Variants in CASZ1 observed in about 807,000 individuals in gnomAD.
CASZ1 encodes the protein castor zinc finger 1, also known as zinc finger protein castor homolog 1.
CASZ1 carries 28 observed loss-of-function variants against 135.2 expected under a neutral mutation model. The observed-to-expected ratio is 0.21, with a 90% CI of 0.15 to 0.28. The LOEUF is 0.28. Among genes scored for constraint, CASZ1 ranks in the 10% least tolerant of loss-of-function variants. The pLI is 1.00. For synonymous variants in CASZ1, 1,068 were observed against 1,073.4 expected (o/e 0.99, Z 0.10); for missense variants, 2,161 against 2,453.3 (o/e 0.88, Z 2.52).
At position 10,648,143 on chromosome 1, in the gene CASZ1, C is replaced by T. The variant is rs1280272781; in HGVS notation, c.3159-4G>A. 7.4e-6 allele frequency: 11 copies of T among 1,484,514 alleles called. No homozygotes were observed. The highest frequency in any genetic ancestry group is 4.8e-5 in the Admixed American group (2 of 41,624). 92.0% of individuals were successfully genotyped at this position (1,484,514 alleles called of 1,614,324 possible). ...TCCCTCTGTCCGGAAGTGGAAGCTG[C>T]GAGAGGTAGAAGAGGGGGTCTCATG... On this transcript the variant is annotated splice_polypyrimidine_tract_variant and splice_region_variant and intron_variant, in intron 15 of 20. Transcript: ENST00000377022.
intron 3 of CASZ1, among the ~76,000 whole-genome samples, chr1:10,702,985 A>AGC (rs1243590198): frequency 6.6e-6 from 1 of 151,250 alleles, no homozygotes; most frequent in Non-Finnish European, 1.5e-5. Context: ...AGAGAGAGAG[A>AGC]GCGCCATGGA....
chr1:10,765,102 C>A (rs12080962), intron 1 of CASZ1, among the ~76,000 whole-genome samples: 86 of 152,254 alleles, frequency 5.6e-4, no homozygotes, highest in South Asian at 2.5e-3. Flanking sequence ...AACCTCCCCC[C>A]ACAATGAACA....
chr1:10,765,909 A>G (rs1470808639), intron 1 of CASZ1, among the ~76,000 whole-genome samples: 1 of 152,066 alleles, frequency 6.6e-6, no homozygotes, highest in Admixed American at 6.5e-5. Context: ...CCCCCACTTT[A>G]ATTGTTGGAT....
rs918104393 is a variant in CASZ1, at chr1:10,657,120, C to T, written c.1410-384G>A. Reference sequence around the variant, plus strand: ...GTGCAGAGACCCTGGCTGGGCCAGCCGGGCTCTGATGCTGAGAGGTGTTAA... The same window carrying T: ...GTGCAGAGACCCTGGCTGGGCCAGCTGGGCTCTGATGCTGAGAGGTGTTAA... On this transcript the variant is annotated intron_variant, in intron 7 of 20. Transcript: ENST00000377022. This position sits in a 1 kb window ranked among gnomAD's most constrained non-coding sequence, Gnocchi z 5.7. Among the ~76,000 whole-genome samples the T allele has an allele frequency of 3.9e-5, 6 of 152,216 alleles. No homozygotes were observed. In the South Asian group the frequency reaches 6.2e-4, roughly 16 times the overall value.
At position 10,654,062 on chromosome 1, in the gene CASZ1, G is replaced by A; in HGVS notation, c.1995C>T (p.Thr665=). ...CGGCGCGGATGCAGTGGAAGTGGTTGGTAGCCTTGCTGTACACGCAGCCCT... is the reference window on the plus strand; with the variant it reads ...CGGCGCGGATGCAGTGGAAGTGGTTAGTAGCCTTGCTGTACACGCAGCCCT... ...KYEGCVYSKA[T]NHFHCIRAGC... Residue 665 remains threonine (T), a synonymous_variant, in exon 11 of 21, where the codon ACC becomes ACT. Transcript: ENST00000377022. 1 of 1,614,218 alleles carries A rather than the reference G, an allele frequency of 6.2e-7. No individual in the cohort carries two copies. The highest frequency in any genetic ancestry group is 8.5e-7 in the Non-Finnish European group (1 of 1,180,036).
chr1:10,745,984 T>TG (rs1557547679), intron 2 of CASZ1, among the ~76,000 whole-genome samples: 2 of 152,084 alleles, frequency 1.3e-5, no homozygotes, highest in African/African-American at 4.8e-5. Flanking sequence ...CTCTGCTGGG[T>TG]GAGAGGTCTG....
At position 10,651,044 on chromosome 1, in the gene CASZ1, G is replaced by A. The variant is rs551341803; in HGVS notation, c.2713C>T (p.Pro905Ser). Residue 905 changes from proline to serine, a missense_variant, in exon 12 of 21, where the codon CCC becomes TCC. Physicochemically the swap from Pro to Ser is moderately conservative, Grantham distance 74 (BLOSUM62 -1). This residue lies in a region of CASZ1 where 406 missense variants were observed against 387.6 expected (regional missense o/e 1.05). Transcript: ENST00000377022. ...SGQQVTPARFPPAQVKPEPGE... is the reference protein window; with the variant it reads ...SGQQVTPARFSPAQVKPEPGE... ...GGTTCCGGCTTCACTTGGGCCGGGG[G>A]GAACCTGGCTGGGGTGACCTGCTGC... is the stretch of plus-strand genomic sequence containing the variant. 1.0e-5 allele frequency: 16 copies of A among 1,550,226 alleles called. No homozygotes were observed. The highest frequency in any genetic ancestry group is 1.8e-4 in the Middle Eastern group (1 of 5,710).
intron 4 of CASZ1, among the ~76,000 whole-genome samples, chr1:10,671,561 C>T (rs1459335090): frequency 6.6e-6 from 1 of 152,164 alleles, no homozygotes; most frequent in East Asian, 1.9e-4. Flanking sequence ...CTCTGGAGGG[C>T]AGTGGAAGGG....
At chr1:10,742,709 T>C (rs1039726096) in intron 2 of CASZ1, among the ~76,000 whole-genome samples, 8 of 152,066 alleles carry the variant, frequency 5.3e-5, no homozygotes, top group African/African-American at 1.9e-4. Flanking sequence ...TCTGGCCGGG[T>C]GTGGTGGCTC....
intron 1 of CASZ1, among the ~76,000 whole-genome samples, chr1:10,772,289 C>T (rs1213620757): frequency 6.6e-6 from 1 of 152,182 alleles, no homozygotes; most frequent in African/African-American, 2.4e-5. Context: ...ATCCATCAGT[C>T]CCAGGCACCC....
chr1:10,784,862 G>A (rs945420608), intron 1 of CASZ1, among the ~76,000 whole-genome samples: 1 of 152,160 alleles, frequency 6.6e-6, no homozygotes, highest in Non-Finnish European at 1.5e-5. Flanking sequence ...CACCGCACCT[G>A]GCCCCAAGAG....
chr1:10,700,544 A>G lies in CASZ1; in HGVS notation c.-24+4948T>C, dbSNP rs1639041337. Among the ~76,000 whole-genome samples, 1 of 152,188 alleles carries G rather than the reference A, an allele frequency of 6.6e-6. No individual in the cohort carries two copies. The highest frequency in any genetic ancestry group is 1.5e-5 in the Non-Finnish European group (1 of 68,030). On this transcript the variant is annotated intron_variant, in intron 3 of 20. Coordinates refer to ENST00000377022, the MANE Select transcript of CASZ1 (RefSeq NM_001079843.3). The surrounding 1 kb of genome is among the most constrained non-coding windows in gnomAD (Gnocchi z 4.2). ...GCCTGAACTGTCAGACACACATGATAGGCACATGTGTGTCAGGGGTGGGGT... is the reference window on the plus strand; with the variant it reads ...GCCTGAACTGTCAGACACACATGATGGGCACATGTGTGTCAGGGGTGGGGT...
intron 2 of CASZ1, among the ~76,000 whole-genome samples, chr1:10,753,354 G>A (rs965667214): frequency 5.9e-5 from 9 of 152,054 alleles, no homozygotes; most frequent in African/African-American, 2.2e-4. Flanking sequence ...TTTCTGCCCT[G>A]CCCAGCCTCC....
At chr1:10,662,588 ACACAATCACACACACT>A (rs1327112299) in intron 5 of CASZ1, among the ~76,000 whole-genome samples, 2 of 145,558 alleles carry the variant, frequency 1.4e-5, no homozygotes, top group African/African-American at 5.1e-5. Context: ...ACAATCACAC[ACACAATCACACACACT>A]CTCACATACA....
rs751539348 is a variant in CASZ1, at chr1:10,646,239, C to T, written c.3585G>A (p.Thr1195=). ...LFGNCKYVCK[T]SGKAESHCLD... is the part of the protein sequence containing the mutation. ...GGCAGTGGGATTCGGCCTTGCCAGA[C>T]GTTTTGCAGACGTACTTGCAGTTCC... is the stretch of plus-strand genomic sequence containing the variant. The change falls in exon 17 of 21, where the codon ACG becomes ACA. Residue 1195 remains threonine, a synonymous_variant. Transcript: ENST00000377022. This position sits in a 1 kb window ranked among gnomAD's most constrained non-coding sequence, Gnocchi z 6.4. 1.5e-5 allele frequency: 24 copies of T among 1,614,122 alleles called. No homozygotes were observed. In the South Asian group the frequency reaches 1.5e-4, roughly 10 times the overall value.
rs1001386551 is a variant in CASZ1 at position 10,794,334 on chromosome 1, G to A, written c.-234+2230C>T. Among the ~76,000 whole-genome samples the A allele has an allele frequency of 6.6e-6, 1 of 152,088 alleles. No homozygotes were observed. The highest frequency in any genetic ancestry group is 2.1e-4 in the South Asian group (1 of 4,826). On this transcript the variant is annotated intron_variant, in intron 1 of 20. Coordinates refer to ENST00000377022, the MANE Select transcript of CASZ1 (RefSeq NM_001079843.3). This position sits in a 1 kb window ranked among gnomAD's most constrained non-coding sequence, Gnocchi z 5.6. ...GTCCTAAATTTACTAACTTTGCCCC[G>A]CGACTACCAGGGCCTTTTCCCCCTC...
chr1:10,714,324 AAAGAAAGGG>A (rs1441725613), intron 2 of CASZ1, among the ~76,000 whole-genome samples: 6 of 151,796 alleles, frequency 4.0e-5, no homozygotes, highest in Admixed American at 6.6e-5. Flanking sequence ...AGAAAGAAAG[AAAGAAAGGG>A]AAGAAAGGAA....
At position 10,777,676 on chromosome 1, in the gene CASZ1, TCACA is replaced by T. The variant is rs761314327; in HGVS notation, c.-233-16823_-233-16820del. ...TTTTCACACACAACCACACACCATC[TCACA>T]CACAATCTCACACACACCATCTCAT... On this transcript the variant is annotated intron_variant, in intron 1 of 20. Coordinates refer to ENST00000377022, the MANE Select transcript of CASZ1 (RefSeq NM_001079843.3). The surrounding 1 kb of genome is among the most constrained non-coding windows in gnomAD (Gnocchi z 4.4). Among the ~76,000 whole-genome samples the T allele has an allele frequency of 2.4e-4, 36 of 151,128 alleles. No individual in the cohort carries two copies. The highest frequency in any genetic ancestry group is 7.1e-4 in the African/African-American group (29 of 41,016).
chr1:10,665,266 G>A lies in CASZ1; in HGVS notation c.322C>T (p.Arg108Trp), dbSNP rs763054643. 9.3e-6 allele frequency: 15 copies of A among 1,609,952 alleles called. No individual in the cohort carries two copies. Among genetic ancestry groups the A allele is most frequent in the African/African-American group, 6.7e-5 (5 of 74,896 alleles). The change falls in exon 5 of 21, where the codon CGG becomes TGG. Residue 108 changes from arginine to tryptophan, a missense_variant. This residue lies in a region of CASZ1 where 590 missense variants were observed against 609.8 expected (regional missense o/e 0.97). Transcript: ENST00000377022. ...EEPAPTPVLG[R>W]IAREGLELPP... ...AGCTCCAGGCCCTCGCGGGCAATCC[G>A]CCCCAACACGGGTGTGGGTGCCGGC...
Sources: allele counts gnomAD v4.1 joint callset (sites outside exome capture counted in the v4.1 genomes callset), GRCh38; gene constraint gnomAD v4.1.1; regional missense constraint gnomAD v4.1.1; non-coding constraint Gnocchi (gnomAD v3.1); transcripts MANE v1.5; gene names NCBI Gene and HGNC (gene_info 2026-07-23, HGNC 2026-07-21).